Variants in TRDN observed in about 807,000 individuals in gnomAD.
TRDN encodes triadin in skeletal muscle.
Under a neutral mutation model 149.7 loss-of-function variants are expected in TRDN, and 161 were observed. The ratio of observed to expected loss-of-function variants is 1.08; its 90% confidence interval spans 0.95 to 1.23. The LOEUF is 1.23. Ranked by LOEUF, TRDN falls within the 50% of genes most tolerant of loss-of-function variation. TRDN has a pLI of 0.00. For missense variants in TRDN, 896 were observed against 823.5 expected (o/e 1.09, Z -1.08); for synonymous variants, 294 against 250.5 (o/e 1.17, Z -1.64).
intron 10 of TRDN, among the ~76,000 whole-genome samples, chr6:123,439,452 G>A (rs960746781): frequency 2.0e-5 from 3 of 152,090 alleles, no homozygotes; most frequent in African/African-American, 7.2e-5. Flanking sequence ...CATTAAAAAG[G>A]TATCTTTTGA....
intron 24 of TRDN, among the ~76,000 whole-genome samples, chr6:123,294,476 G>C (rs1029089871): frequency 1.3e-5 from 2 of 152,158 alleles, no homozygotes; most frequent in Non-Finnish European, 2.9e-5. Context: ...CCTGGGGTCG[G>C]GGGTGTGGAT....
intron 1 of TRDN, among the ~76,000 whole-genome samples, chr6:123,603,950 G>A (rs558578614): frequency 6.6e-6 from 1 of 152,190 alleles, no homozygotes; most frequent in South Asian, 2.1e-4. Context: ...TTTCCTATAT[G>A]TTGTTTAGAA....
chr6:123,500,806 A>C (rs1176138708), intron 8 of TRDN, among the ~76,000 whole-genome samples: 1 of 152,186 alleles, frequency 6.6e-6, no homozygotes, highest in Non-Finnish European at 1.5e-5. Flanking sequence ...AGGATGGGGC[A>C]CATGTGGTCC....
intron 24 of TRDN, among the ~76,000 whole-genome samples, chr6:123,279,752 A>C (rs903173868): frequency 5.3e-5 from 8 of 152,130 alleles, no homozygotes; most frequent in Non-Finnish European, 8.8e-5. Flanking sequence ...CATATTGATC[A>C]CTTTCCCTTT....
At chr6:123,462,281 C>T (rs1350703637) in intron 10 of TRDN, 1 of 152,076 alleles carries the variant, frequency 6.6e-6, no homozygotes, top group Non-Finnish European at 1.5e-5. Context: ...CACAGAAATC[C>T]AAGAAAGGCA....
chr6:123,478,570 G>A (rs996058115), intron 9 of TRDN, among the ~76,000 whole-genome samples: 1 of 152,130 alleles, frequency 6.6e-6, no homozygotes, highest in Non-Finnish European at 1.5e-5. Flanking sequence ...AGGTAAATAC[G>A]AATTGCGTTT....
chr6:123,262,731 C>A (rs1776816141), intron 33 of TRDN, among the ~76,000 whole-genome samples: 1 of 152,014 alleles, frequency 6.6e-6, no homozygotes. Context: ...TGGTGATTCT[C>A]ACAATATTTC....
chr6:123,362,847 C>T (rs1780953962), intron 20 of TRDN, among the ~76,000 whole-genome samples: 1 of 151,884 alleles, frequency 6.6e-6, no homozygotes, highest in Non-Finnish European at 1.5e-5. Context: ...AAATTTTTCT[C>T]GATTTTTCAT....
At chr6:123,428,405 T>C (rs986635579) in intron 12 of TRDN, among the ~76,000 whole-genome samples, 1 of 152,170 alleles carries the variant, frequency 6.6e-6, no homozygotes, top group Non-Finnish European at 1.5e-5. Context: ...GCAGCACCTA[T>C]GGCCAATTTA....
intron 10 of TRDN, chr6:123,464,255 C>T (rs1024911993): frequency 1.4e-5 from 14 of 984,068 alleles, no homozygotes; most frequent in African/African-American, 5.2e-5. Flanking sequence ...ATGACTTTAA[C>T]GTTCCAGCAA....
intron 4 of TRDN, among the ~76,000 whole-genome samples, chr6:123,537,252 A>G (rs1583207719): frequency 6.6e-6 from 1 of 152,290 alleles, no homozygotes; most frequent in South Asian, 2.1e-4. Context: ...AGCATTCCTT[A>G]TTAATGATTA....
intron 21 of TRDN, among the ~76,000 whole-genome samples, chr6:123,338,560 C>T (rs1779955939): frequency 6.6e-6 from 1 of 152,132 alleles, no homozygotes; most frequent in Non-Finnish European, 1.5e-5. Context: ...CAGCTAGTAT[C>T]AACTGCCAGC....
intron 10 of TRDN, among the ~76,000 whole-genome samples, chr6:123,444,717 GT>G (rs1289077450): frequency 1.3e-5 from 2 of 152,188 alleles, no homozygotes; most frequent in African/African-American, 4.8e-5. Context: ...TTTATTGAGA[GT>G]TTTTAGCAAG....
At chr6:123,554,469 T>A (rs1031352452) in intron 2 of TRDN, among the ~76,000 whole-genome samples, 7 of 152,210 alleles carry the variant, frequency 4.6e-5, no homozygotes, top group Admixed American at 1.3e-4. Flanking sequence ...TGACCAGTTT[T>A]TCTCCCTTTC....
intron 2 of TRDN, among the ~76,000 whole-genome samples, chr6:123,563,463 A>G (rs1562391510): frequency 6.6e-6 from 1 of 152,304 alleles, no homozygotes; most frequent in South Asian, 2.1e-4. Context: ...TGACTATTGA[A>G]TTTGCTTTTC....
At chr6:123,392,186 C>T (rs906451220) in intron 13 of TRDN, among the ~76,000 whole-genome samples, 2 of 151,968 alleles carry the variant, frequency 1.3e-5, no homozygotes, top group African/African-American at 4.8e-5. Flanking sequence ...ATATTTTATT[C>T]CAAAATGATA....
intron 24 of TRDN, among the ~76,000 whole-genome samples, chr6:123,303,936 A>C: frequency 6.6e-6 from 1 of 152,208 alleles, no homozygotes; most frequent in African/African-American, 2.4e-5. Flanking sequence ...GGTTTTACCC[A>C]GAAGAATTAA....
At chr6:123,350,810 T>C in intron 21 of TRDN, 1 of 977,256 alleles carries the variant, frequency 1.0e-6, no homozygotes, top group African/African-American at 1.9e-5. Flanking sequence ...AAGAACCTCA[T>C]TTTTTTCACA....
At chr6:123,581,187 T>A (rs1406955976) in intron 1 of TRDN, among the ~76,000 whole-genome samples, 1 of 152,238 alleles carries the variant, frequency 6.6e-6, no homozygotes, top group African/African-American at 2.4e-5. Flanking sequence ...TTTATTTTTT[T>A]AAAACAATCT....
Sources: allele counts gnomAD v4.1 joint callset (sites outside exome capture counted in the v4.1 genomes callset), GRCh38; gene constraint gnomAD v4.1.1; transcripts MANE v1.5; gene names NCBI Gene and HGNC (gene_info 2026-07-23, HGNC 2026-07-21).